The following FGF10 variants were observed in gnomAD, a reference collection of about 807,000 sequenced individuals.
The protein encoded by FGF10 is FGF-10.
Under a neutral mutation model 19.8 loss-of-function variants are expected in FGF10, and 2 were observed. That is an observed-to-expected ratio of 0.10 (90% CI 0.04 to 0.32). The LOEUF (loss-of-function observed/expected upper bound fraction) is 0.32. FGF10 is among the 10% of genes least tolerant of loss of function. The pLI is 1.00. For synonymous variants in FGF10, 112 were observed against 94.0 expected (o/e 1.19, Z -1.10); for missense variants, 191 against 246.3 (o/e 0.78, Z 1.50).
At chr5:44,374,316 A>G (rs1479915017) in intron 1 of FGF10, among the ~76,000 whole-genome samples, 1 of 152,152 alleles carries the variant, frequency 6.6e-6, no homozygotes, top group Non-Finnish European at 1.5e-5. Flanking sequence ...GACAATGACA[A>G]TAATCTCCTC....
chr5:44,367,959 C>T (rs1360496375), intron 1 of FGF10, among the ~76,000 whole-genome samples: 1 of 151,388 alleles, frequency 6.6e-6, no homozygotes, highest in Non-Finnish European at 1.5e-5. Context: ...AACTGAATTG[C>T]CTCAAAACCT....
At chr5:44,311,844 A>G (rs1561197334) in intron 1 of FGF10, among the ~76,000 whole-genome samples, 2 of 152,076 alleles carry the variant, frequency 1.3e-5, no homozygotes, top group Non-Finnish European at 1.5e-5. Context: ...TACAGATTAT[A>G]TGTTTTCACT....
chr5:44,363,094 G>A (rs573834602), intron 1 of FGF10, among the ~76,000 whole-genome samples: 1 of 151,764 alleles, frequency 6.6e-6, no homozygotes, highest in African/African-American at 2.4e-5. Context: ...CAATTTTCCT[G>A]GAGTTAGTTT....
intron 1 of FGF10, among the ~76,000 whole-genome samples, chr5:44,327,872 C>T (rs988052117): frequency 2.6e-5 from 4 of 152,186 alleles, no homozygotes; most frequent in Non-Finnish European, 5.9e-5. Flanking sequence ...TGCCTGTTGA[C>T]AAAGACAGCT....
chr5:44,368,841 T>A (rs181652182), intron 1 of FGF10, among the ~76,000 whole-genome samples: 10 of 152,140 alleles, frequency 6.6e-5, no homozygotes, highest in African/African-American at 1.7e-4. Context: ...AATTTTTTTT[T>A]ATTTTTTGTA....
intron 1 of FGF10, among the ~76,000 whole-genome samples, chr5:44,312,672 A>C (rs936222733): frequency 1.3e-5 from 2 of 152,158 alleles, no homozygotes; most frequent in African/African-American, 4.8e-5. Context: ...GGTAGAATTC[A>C]GGGGCAAAAG....
chr5:44,307,973 A>G (rs1016458042), intron 2 of FGF10, among the ~76,000 whole-genome samples: 1 of 152,228 alleles, frequency 6.6e-6, no homozygotes, highest in South Asian at 2.1e-4. Context: ...TATGCAGTGT[A>G]TAACTGTGCT....
intron 1 of FGF10, among the ~76,000 whole-genome samples, chr5:44,313,445 A>G (rs999028144): frequency 9.9e-5 from 15 of 152,036 alleles, no homozygotes; most frequent in African/African-American, 3.6e-4. Flanking sequence ...ATAGTTCTAT[A>G]TGTGTATATT....
chr5:44,384,943 G>A (rs1253429355), intron 1 of FGF10, among the ~76,000 whole-genome samples: 1 of 152,064 alleles, frequency 6.6e-6, no homozygotes, highest in Non-Finnish European at 1.5e-5. Context: ...AACCATGGGA[G>A]AAGCTCACAG....
intron 1 of FGF10, among the ~76,000 whole-genome samples, chr5:44,350,849 G>T (rs558326309): frequency 6.6e-6 from 1 of 151,238 alleles, no homozygotes; most frequent in African/African-American, 2.4e-5. Context: ...TTCTTTAAAA[G>T]AATGTGATTT....
intron 1 of FGF10, among the ~76,000 whole-genome samples, chr5:44,349,963 C>G (rs1216973950): frequency 6.6e-6 from 1 of 151,040 alleles, no homozygotes; most frequent in Non-Finnish European, 1.5e-5. Flanking sequence ...GAAAAGTATA[C>G]TCAATAGTGT....
At chr5:44,385,848 C>G (rs1443443712) in intron 1 of FGF10, among the ~76,000 whole-genome samples, 1 of 152,144 alleles carries the variant, frequency 6.6e-6, no homozygotes, top group African/African-American at 2.4e-5. Context: ...ATTTAGATTA[C>G]CTGGCCACAT....
At chr5:44,364,957 A>G (rs1395800884) in intron 1 of FGF10, among the ~76,000 whole-genome samples, 2 of 151,966 alleles carry the variant, frequency 1.3e-5, no homozygotes, top group Admixed American at 6.6e-5. Context: ...AAAATGAGCT[A>G]AAATGAGAGA....
At chr5:44,337,123 A>T (rs1348918568) in intron 1 of FGF10, among the ~76,000 whole-genome samples, 1 of 143,824 alleles carries the variant, frequency 7.0e-6, no homozygotes, top group Non-Finnish European at 1.5e-5. Flanking sequence ...TTCACCTGTG[A>T]ATGTTATTAC....
intron 1 of FGF10, among the ~76,000 whole-genome samples, chr5:44,376,246 G>A (rs1366170299): frequency 1.3e-5 from 2 of 151,614 alleles, no homozygotes; most frequent in Admixed American, 1.3e-4. Context: ...GAGTAACTTG[G>A]CTACGATCAC....
intron 1 of FGF10, among the ~76,000 whole-genome samples, chr5:44,321,121 G>C (rs1355932426): frequency 6.6e-6 from 1 of 152,190 alleles, no homozygotes; most frequent in Non-Finnish European, 1.5e-5. Context: ...ACAGCTAAGA[G>C]ACCCTTTACT....
intron 1 of FGF10, among the ~76,000 whole-genome samples, chr5:44,343,913 G>A (rs1741025413): frequency 6.6e-6 from 1 of 151,968 alleles, no homozygotes; most frequent in African/African-American, 2.4e-5. Flanking sequence ...TAATAGGATA[G>A]GGCCTGACAA....
At chr5:44,314,983 C>A (rs1408439288) in intron 1 of FGF10, among the ~76,000 whole-genome samples, 1 of 151,946 alleles carries the variant, frequency 6.6e-6, no homozygotes, top group Non-Finnish European at 1.5e-5. Context: ...TCTATCCACT[C>A]CTAGATAAAT....
At chr5:44,305,728 G>A (rs1320226361) in intron 2 of FGF10, among the ~76,000 whole-genome samples, 2 of 152,064 alleles carry the variant, frequency 1.3e-5, no homozygotes, top group Non-Finnish European at 2.9e-5. Context: ...ACCAAAAGGG[G>A]GGGATGTCTT....
Sources: gnomAD v4.1 joint callset for allele counts (sites outside exome capture counted in the v4.1 genomes callset) on GRCh38, gnomAD v4.1.1 for gene constraint, MANE v1.5 for transcripts, NCBI Gene and HGNC (gene_info 2026-07-23, HGNC 2026-07-21) for gene names.